Variants in EBF3 observed in about 807,000 individuals in gnomAD.
The protein encoded by EBF3 is transcription factor COE3.
Under a neutral mutation model 77.1 loss-of-function variants are expected in EBF3, and 18 were observed. The observed-to-expected ratio is 0.23, with a 90% confidence interval of 0.16 to 0.35. The LOEUF is 0.35. Among genes scored for constraint, EBF3 ranks in the 10% least tolerant of loss-of-function variants. The pLI is 1.00. For synonymous variants in EBF3, 350 were observed against 343.5 expected (o/e 1.02, Z -0.21); for missense variants, 558 against 860.0 (o/e 0.65, Z 4.39).
In EBF3 at chr10:129,963,035, G is replaced by A; in HGVS notation, c.292-30C>T. 3.7e-6 allele frequency: 6 copies of A among 1,613,858 alleles called. No homozygotes were observed. Among genetic ancestry groups the A allele is most frequent in the Non-Finnish European group, 5.1e-6 (6 of 1,179,798 alleles). On this transcript the variant is annotated intron_variant, in intron 2 of 16. Coordinates refer to ENST00000440978, the MANE Select transcript of EBF3 (RefSeq NM_001375380.1). This position sits in a 1 kb window ranked among gnomAD's most constrained non-coding sequence, Gnocchi z 7.1. ...AAGTAACGATAAATAATTGCATTTA[G>A]TGCGATCGGTGTCAGGCGCGGCCAC...
At position 129,836,316 on chromosome 10, in the gene EBF3, A is replaced by AT. The variant is rs1336929332; in HGVS notation, c.*1626dup. 6.6e-6 allele frequency: 1 copy of AT among 152,552 alleles called. No homozygotes were observed. The highest frequency in any genetic ancestry group is 1.5e-5 in the Non-Finnish European group (1 of 68,030). The allele number at this position is 152,552 out of a possible 1,614,324, so 9.4% of individuals were successfully genotyped here. ...TTTATTTTAAACTTTAGGCCTCTGA[A>AT]TTTTTCCAGTAAACACAGTTCAGCT... On this transcript the variant is annotated 3_prime_UTR_variant, in exon 17 of 17. Coordinates refer to ENST00000440978, the MANE Select transcript of EBF3 (RefSeq NM_001375380.1).
chr10:129,947,147 G>A lies in EBF3; in HGVS notation c.554+10111C>T, dbSNP rs550294363. ...CATTGAGAAAATGGAAATGGACAGG[G>A]AGCTCCCTTTGGCAGCATTTCCAAT... On this transcript the variant is annotated intron_variant, in intron 6 of 16. Transcript: ENST00000440978. This position sits in a 1 kb window ranked among gnomAD's most constrained non-coding sequence, Gnocchi z 4.5. Among the ~76,000 whole-genome samples, 2 of 152,308 alleles carry A rather than the reference G, an allele frequency of 1.3e-5. No homozygotes were observed. The highest frequency in any genetic ancestry group is 2.1e-4 in the South Asian group (1 of 4,824).
intron 6 of EBF3, among the ~76,000 whole-genome samples, chr10:129,880,925 C>T (rs556752339): frequency 4.4e-4 from 67 of 152,296 alleles, no homozygotes; most frequent in African/African-American, 1.6e-3. Flanking sequence ...TATGCTTTCA[C>T]GAGGAGGTGC....
At chr10:129,957,477 G>A in intron 5 of EBF3, 151 bp from the exon 6 acceptor site, 3 of 628,802 alleles carry the variant, frequency 4.8e-6, no homozygotes, top group Non-Finnish European at 8.2e-6. Context: ...GAGTTCACGT[G>A]TTCTGCGGCT....
chr10:129,875,597 G>T (rs1387262273), intron 7 of EBF3, among the ~76,000 whole-genome samples: 1 of 152,216 alleles, frequency 6.6e-6, no homozygotes, highest in African/African-American at 2.4e-5. Flanking sequence ...AGCTTCCCTG[G>T]CATTTCTTCC....
intron 15 of EBF3, among the ~76,000 whole-genome samples, chr10:129,839,418 A>G (rs1027854797): frequency 1.3e-5 from 2 of 152,202 alleles, no homozygotes; most frequent in Non-Finnish European, 2.9e-5. Context: ...TGCCCGTCAC[A>G]CACATCACAG....
rs77794155 is a variant in EBF3 at position 129,862,599 on chromosome 10, C to T, written c.1039+4542G>A. 8.0e-3 allele frequency among the ~76,000 whole-genome samples: 1,214 copies of T among 152,282 alleles called. 16 individuals carry two copies. Among genetic ancestry groups the T allele is most frequent in the African/African-American group, 0.026 (1,066 of 41,536 alleles). On this transcript the variant is annotated intron_variant, in intron 10 of 16. Transcript: ENST00000440978. ...TGAATGATGCTGGAAGTCAAGCCAC[C>T]TCTCCCAACCGGCCTCAGTGCTTTT...
intron 6 of EBF3, among the ~76,000 whole-genome samples, chr10:129,911,700 T>C (rs146829773): frequency 1.1e-4 from 16 of 152,208 alleles, no homozygotes; most frequent in Admixed American, 2.0e-4. Flanking sequence ...GAACCGTGTA[T>C]GCCAAAGCAC....
intron 6 of EBF3, among the ~76,000 whole-genome samples, chr10:129,900,570 GACCTCCTGGACTC>G (rs1854709490): frequency 6.6e-6 from 1 of 152,230 alleles, no homozygotes; most frequent in Admixed American, 6.5e-5. Flanking sequence ...CCAGTGCCCT[GACCTCCTGGACTC>G]ACTGCCTGAT....
intron 10 of EBF3, among the ~76,000 whole-genome samples, chr10:129,858,588 C>T (rs1255857127): frequency 1.3e-5 from 2 of 152,156 alleles, no homozygotes; most frequent in Admixed American, 1.3e-4. Context: ...AGCCTGGGTG[C>T]CTGGGGCTGA....
At chr10:129,854,209 A>G (rs564196351) in intron 10 of EBF3, among the ~76,000 whole-genome samples, 1 of 152,288 alleles carries the variant, frequency 6.6e-6, no homozygotes, top group East Asian at 1.9e-4. Flanking sequence ...TGTCTCCTCC[A>G]AGTGCATTTC....
intron 6 of EBF3, among the ~76,000 whole-genome samples, chr10:129,953,684 C>G (rs545739210): frequency 6.6e-6 from 1 of 152,212 alleles, no homozygotes; most frequent in Non-Finnish European, 1.5e-5. Context: ...GCAGCCACAG[C>G]CCCTGCTCCC....
intron 6 of EBF3, among the ~76,000 whole-genome samples, chr10:129,928,425 C>T (rs1290161021): frequency 3.3e-5 from 5 of 152,140 alleles, no homozygotes; most frequent in African/African-American, 7.2e-5. Context: ...CCTAATTTTA[C>T]GTGGTAAGAA....
rs924948013 is a variant in EBF3, at chr10:129,885,652, G to A, written c.555-7803C>T. Among the ~76,000 whole-genome samples the A allele has an allele frequency of 1.1e-4, 17 of 151,978 alleles. No homozygotes were observed. Among genetic ancestry groups the A allele is most frequent in the South Asian group, 6.2e-4 (3 of 4,812 alleles). On this transcript the variant is annotated intron_variant, in intron 6 of 16. Coordinates refer to ENST00000440978, the MANE Select transcript of EBF3 (RefSeq NM_001375380.1). This position sits in a 1 kb window ranked among gnomAD's most constrained non-coding sequence, Gnocchi z 4.0. ...TGACATTATTTCCCCAGCAGATCAC[G>A]CGCCCTGTCAATCAGTCTGTATTTT...
intron 6 of EBF3, among the ~76,000 whole-genome samples, chr10:129,925,482 C>T (rs1238050329): frequency 6.6e-6 from 1 of 151,298 alleles, no homozygotes; most frequent in East Asian, 1.9e-4. Context: ...ATCCCAGCTA[C>T]TGAAGAGGCT....
At chr10:129,949,153 T>C (rs1858467262) in intron 6 of EBF3, among the ~76,000 whole-genome samples, 1 of 151,706 alleles carries the variant, frequency 6.6e-6, no homozygotes. Context: ...AATACAAAAT[T>C]AGCTGGGCAT....
rs1330402104 is a variant in EBF3, at chr10:129,870,938, G to A, written c.781+2514C>T. ...TTCACAATATTGAGGCACTCAAACAGGCCTAATCTTGCCTCATGAAGACTT... is the reference window on the plus strand; with the variant it reads ...TTCACAATATTGAGGCACTCAAACAAGCCTAATCTTGCCTCATGAAGACTT... On this transcript the variant is annotated intron_variant, in intron 8 of 16. Transcript: ENST00000440978. The surrounding 1 kb of genome is among the most constrained non-coding windows in gnomAD (Gnocchi z 4.4). Among the ~76,000 whole-genome samples the A allele has an allele frequency of 1.3e-5, 2 of 152,148 alleles. No homozygotes were observed. Among genetic ancestry groups the A allele is most frequent in the African/African-American group, 2.4e-5 (1 of 41,436 alleles).
chr10:129,905,844 C>T (rs1365368279), intron 6 of EBF3, among the ~76,000 whole-genome samples: 1 of 152,210 alleles, frequency 6.6e-6, no homozygotes, highest in African/African-American at 2.4e-5. Flanking sequence ...CCCGAGGTGA[C>T]ATTTGTTTCA....
rs1180464122 is a variant in EBF3, at chr10:129,879,072, ATGT to A, written c.555-1226_555-1224del. Among the ~76,000 whole-genome samples, 1 of 152,114 alleles carries A rather than the reference ATGT, an allele frequency of 6.6e-6. No homozygotes were observed. The highest frequency in any genetic ancestry group is 1.5e-5 in the Non-Finnish European group (1 of 68,018). On this transcript the variant is annotated intron_variant, in intron 6 of 16. Coordinates refer to ENST00000440978, the MANE Select transcript of EBF3 (RefSeq NM_001375380.1). This position sits in a 1 kb window ranked among gnomAD's most constrained non-coding sequence, Gnocchi z 4.7. ...GAGATGCTGTGACTAAAACGTCATCATGTTGTCCTCCGCATTCCTGCATGCTCA... is the reference window on the plus strand; with the variant it reads ...GAGATGCTGTGACTAAAACGTCATCATGTCCTCCGCATTCCTGCATGCTCA...
Sources: allele counts gnomAD v4.1 joint callset (sites outside exome capture counted in the v4.1 genomes callset), GRCh38; gene constraint gnomAD v4.1.1; non-coding constraint Gnocchi (gnomAD v3.1); transcripts MANE v1.5; gene names NCBI Gene and HGNC (gene_info 2026-07-23, HGNC 2026-07-21).